The following SIAH3 variants were observed in gnomAD, a reference collection of about 807,000 sequenced individuals.
The protein encoded by SIAH3 is seven in absentia homolog 3.
SIAH3 carries 9 observed loss-of-function variants against 12.6 expected under a neutral mutation model. The observed-to-expected ratio is 0.72, with a 90% CI of 0.43 to 1.25. The LOEUF (loss-of-function observed/expected upper bound fraction) is 1.25, where lower values mean the gene tolerates loss of function less well. Among genes scored for constraint, SIAH3 ranks in the 50% most tolerant of loss-of-function variants. SIAH3 has a pLI of 0.00. For synonymous variants in SIAH3, 154 were observed against 151.1 expected, an observed-to-expected ratio of 1.02 and a Z score of -0.14; for missense variants, 390 against 365.4, an observed-to-expected ratio of 1.07 and a Z score of -0.55.
intron 1 of SIAH3, among the ~76,000 whole-genome samples, chr13:45,845,118 C>T (rs1239365137): frequency 2.0e-5 from 3 of 151,988 alleles, no homozygotes; most frequent in African/African-American, 2.4e-5. Flanking sequence ...ATTTAATCTT[C>T]GTATTGTCTC....
At chr13:45,813,329 A>G (rs1290233758) in intron 1 of SIAH3, among the ~76,000 whole-genome samples, 1 of 152,214 alleles carries the variant, frequency 6.6e-6, no homozygotes, top group Non-Finnish European at 1.5e-5. Flanking sequence ...AGAGGATGGG[A>G]AAGAGGCTGT....
intron 1 of SIAH3, among the ~76,000 whole-genome samples, chr13:45,801,454 G>A (rs1257181902): frequency 1.3e-5 from 2 of 152,202 alleles, no homozygotes; most frequent in Non-Finnish European, 2.9e-5. Context: ...AGATTACAGA[G>A]AGCTTTGAAA....
intron 1 of SIAH3, among the ~76,000 whole-genome samples, chr13:45,810,819 A>T (rs1223505333): frequency 6.6e-6 from 1 of 152,184 alleles, no homozygotes; most frequent in Non-Finnish European, 1.5e-5. Context: ...GTTGCCATGG[A>T]CCTTTTAGTG....
At chr13:45,797,191 G>C (rs189563880) in intron 1 of SIAH3, among the ~76,000 whole-genome samples, 1 of 149,342 alleles carries the variant, frequency 6.7e-6, no homozygotes, top group East Asian at 2.0e-4. Context: ...ACATTTCAAC[G>C]TTGGTCCTAT....
Position 45,783,319 on chromosome 13 carries a change from G to A in SIAH3, c.*64C>T, listed in dbSNP as rs1950512214. 4 of 1,360,168 alleles carry A rather than the reference G, an allele frequency of 2.9e-6. No individual in the cohort carries two copies. In the East Asian group the frequency reaches 9.3e-5, roughly 32 times the overall value. The allele number at this position is 1,360,168 out of a possible 1,614,324, so 84.3% of individuals were successfully genotyped here. A position where few individuals can be genotyped will look rare whatever the true frequency, so the allele number is the denominator to read the frequency against. The stretch of plus-strand genomic sequence containing the variant: ...AGAATAAAAAGGAGTCTGGAGTCCT[G>A]GTATTGGGAGGTCCCAGGCGTTTCC... On this transcript the variant is annotated 3_prime_UTR_variant, in exon 2 of 2. Coordinates refer to ENST00000400405, the MANE Select transcript of SIAH3 (RefSeq NM_198849.3).
chr13:45,793,343 C>A (rs533809786), intron 1 of SIAH3, among the ~76,000 whole-genome samples: 3 of 152,328 alleles, frequency 2.0e-5, no homozygotes, highest in East Asian at 1.9e-4. Flanking sequence ...CTGAGTTCTT[C>A]AAAAATGTCA....
intron 1 of SIAH3, among the ~76,000 whole-genome samples, chr13:45,818,786 T>C (rs1210926201): frequency 6.6e-6 from 1 of 152,202 alleles, no homozygotes; most frequent in Non-Finnish European, 1.5e-5. Flanking sequence ...ATGGTTAACT[T>C]AGTCATATCT....
intron 1 of SIAH3, among the ~76,000 whole-genome samples, chr13:45,791,872 A>C (rs1212774109): frequency 6.6e-6 from 1 of 152,106 alleles, no homozygotes; most frequent in Non-Finnish European, 1.5e-5. Flanking sequence ...CCCCTCCTGC[A>C]CCTTGGCAGG....
At chr13:45,846,635 C>T (rs1472469079) in intron 1 of SIAH3, among the ~76,000 whole-genome samples, 1 of 152,288 alleles carries the variant, frequency 6.6e-6, no homozygotes, top group Non-Finnish European at 1.5e-5. Flanking sequence ...TAATTCAGAC[C>T]TCTCTGCGGA....
At chr13:45,794,120 TCTTA>T (rs1362202513) in intron 1 of SIAH3, among the ~76,000 whole-genome samples, 1 of 147,470 alleles carries the variant, frequency 6.8e-6, no homozygotes, top group Non-Finnish European at 1.5e-5. Context: ...TGAGATGGAG[TCTTA>T]CTCTGTCACC....
intron 1 of SIAH3, among the ~76,000 whole-genome samples, chr13:45,843,028 C>CTGTGTGTGTGTG (rs1340055644): frequency 3.2e-5 from 2 of 62,836 alleles, no homozygotes; most frequent in African/African-American, 1.1e-4. Flanking sequence ...TTCTCTCTCT[C>CTGTGTGTGTGTG]TCTCTCTGTG....
rs1555257638 is a variant in SIAH3 at position 45,805,011 on chromosome 13, A to ACAC, written c.136-20955_136-20954insGTG. ...ACACACACACACACACACACACACA[A>ACAC]AATACTTTGGAATACATCTAACCAA... On this transcript the variant is annotated intron_variant, in intron 1 of 1. Transcript: ENST00000400405. 7.4e-3 allele frequency among the ~76,000 whole-genome samples: 881 copies of ACAC among 118,712 alleles called. 9 individuals are homozygous for ACAC. Among genetic ancestry groups the ACAC allele is most frequent in the Non-Finnish European group, 9.3e-3 (493 of 52,886 alleles). 77.9% of individuals were successfully genotyped at this position (118,712 alleles called of 152,430 possible).
intron 1 of SIAH3, among the ~76,000 whole-genome samples, chr13:45,831,675 C>G (rs11619335): frequency 6.6e-6 from 1 of 152,072 alleles, no homozygotes; most frequent in Non-Finnish European, 1.5e-5. Flanking sequence ...GCGGTGAGTG[C>G]TGTGGGTAAT....
At chr13:45,843,030 C>G (rs886286839) in intron 1 of SIAH3, among the ~76,000 whole-genome samples, 904 of 64,474 alleles carry the variant, frequency 0.014, 17 homozygotes, top group African/African-American at 0.041. Flanking sequence ...CTCTCTCTCT[C>G]TCTCTGTGTG....
At chr13:45,799,050 G>A (rs1593377864) in intron 1 of SIAH3, among the ~76,000 whole-genome samples, 1 of 152,166 alleles carries the variant, frequency 6.6e-6, no homozygotes, top group Non-Finnish European at 1.5e-5. Context: ...AGAACTCTGT[G>A]TTTCCACAGC....
rs964131906 is a variant in SIAH3, at chr13:45,777,544, C to T, written c.*5839G>A. On this transcript the variant is annotated 3_prime_UTR_variant, in exon 2 of 2. Coordinates refer to ENST00000400405, the MANE Select transcript of SIAH3 (RefSeq NM_198849.3). ...TAACCCAGGTAGTTCATGTGATGAC[C>T]TGATTTGGGGGGAAATTAATGTTTA... 4 of 151,890 alleles carry T rather than the reference C, an allele frequency of 2.6e-5. No homozygotes were observed. The highest frequency in any genetic ancestry group is 4.4e-5 in the Non-Finnish European group (3 of 68,004). 9.4% of individuals were successfully genotyped at this position (151,890 alleles called of 1,614,324 possible). A position where few individuals can be genotyped will look rare whatever the true frequency, so the allele number is the denominator to read the frequency against.
At chr13:45,847,725 G>A (rs9534237) in intron 1 of SIAH3, among the ~76,000 whole-genome samples, 5 of 151,656 alleles carry the variant, frequency 3.3e-5, no homozygotes, top group Non-Finnish European at 7.4e-5. Context: ...GGAGGTATCA[G>A]AGAGGGCCTC....
At position 45,783,985 on chromosome 13, in the gene SIAH3, G is replaced by C; in HGVS notation, c.208C>G (p.His70Asp). 1 of 1,606,488 alleles carries C rather than the reference G, an allele frequency of 6.2e-7. No individual in the cohort carries two copies. Among genetic ancestry groups the C allele is most frequent in the Non-Finnish European group, 8.5e-7 (1 of 1,176,456 alleles). ...QGSFHPHHLS[H>D]HHCHHRHHHH... ...TGGTGGCGGTGGTGGCAGTGGTGGT[G>C]GGAGAGATGGTGAGGGTGGAAGCTG... Residue 70 changes from histidine to aspartate, a missense_variant, in exon 2 of 2, where the codon CAC becomes GAC. His to Asp is a moderately conservative substitution (Grantham distance 81). Coordinates refer to ENST00000400405, the MANE Select transcript of SIAH3 (RefSeq NM_198849.3).
At position 45,783,413 on chromosome 13, in the gene SIAH3, T is replaced by C; in HGVS notation, c.780A>G (p.Thr260=). Residue 260 remains threonine (T), a synonymous_variant, in exon 2 of 2, where the codon ACA becomes ACG. Coordinates refer to ENST00000400405, the MANE Select transcript of SIAH3 (RefSeq NM_198849.3). ...TTTCAGCTTCTGAGGGGAGGACCTCTGTCGCGGTGATGGCAATCCCAATGG... is the reference window on the plus strand; with the variant it reads ...TTTCAGCTTCTGAGGGGAGGACCTCCGTCGCGGTGATGGCAATCCCAATGG... The part of the protein sequence containing the change: ...SLAIGIAITA[T]EVLPSEAEM The C allele has an allele frequency of 6.2e-7, 1 of 1,613,414 alleles. No homozygotes were observed. Among genetic ancestry groups the C allele is most frequent in the South Asian group, 1.1e-5 (1 of 91,044 alleles).
Sources: gnomAD v4.1 joint callset for allele counts (sites outside exome capture counted in the v4.1 genomes callset) on GRCh38, gnomAD v4.1.1 for gene constraint, MANE v1.5 for transcripts, NCBI Gene and HGNC (gene_info 2026-07-23, HGNC 2026-07-21) for gene names.